The following CDH4 variants were observed in gnomAD, a reference collection of about 807,000 sequenced individuals.
CDH4 encodes cadherin 4, also known as cadherin-4.
CDH4 carries 33 observed loss-of-function variants against 86.0 expected under a neutral mutation model. The observed-to-expected ratio is 0.38, with a 90% confidence interval of 0.29 to 0.51. The LOEUF (loss-of-function observed/expected upper bound fraction) is 0.51. CDH4 is among the 20% of genes least tolerant of loss of function. The pLI is 0.86. For synonymous variants in CDH4, 555 were observed against 549.4 expected, an observed-to-expected ratio of 1.01 and a Z score of -0.14; for missense variants, 1,114 against 1,307.4, an observed-to-expected ratio of 0.85 and a Z score of 2.28.
chr20:61,271,664 C>T (rs2084183986), intron 2 of CDH4, among the ~76,000 whole-genome samples: 1 of 152,198 alleles, frequency 6.6e-6, no homozygotes, highest in South Asian at 2.1e-4. Flanking sequence ...CGTGAAGCCA[C>T]GTGAACTGAA....
intron 7 of CDH4, among the ~76,000 whole-genome samples, chr20:61,875,807 C>T (rs527933353): frequency 6.6e-5 from 10 of 152,144 alleles, no homozygotes; most frequent in Admixed American, 3.9e-4. Context: ...GGCACATGGC[C>T]GAGTCAGGAG....
chr20:61,781,254 G>GAGAC (rs149784570), intron 4 of CDH4, among the ~76,000 whole-genome samples: 1 of 150,602 alleles, frequency 6.6e-6, no homozygotes, highest in Non-Finnish European at 1.5e-5. Context: ...GTCAAAAAGA[G>GAGAC]AGAAAATGTG....
intron 2 of CDH4, among the ~76,000 whole-genome samples, chr20:61,332,880 C>T (rs2084591163): frequency 6.6e-6 from 1 of 152,232 alleles, no homozygotes; most frequent in Non-Finnish European, 1.5e-5. Flanking sequence ...TCACAGTGCT[C>T]ATCACCCTGG....
rs548064380 is a variant in CDH4, at chr20:61,884,722, C to T, written c.1051-10188C>T. Among the ~76,000 whole-genome samples, 11 of 152,230 alleles carry T rather than the reference C, an allele frequency of 7.2e-5. No individual in the cohort carries two copies. The East Asian group carries it at 1.9e-3, about 27-fold the overall frequency. ...CGGCTGCTGCTAGTTCCTGGGTGCC[C>T]GGGAAATTCACCTGGACAGGTGGAA... On this transcript the variant is annotated intron_variant, in intron 7 of 15. Coordinates refer to ENST00000614565, the MANE Select transcript of CDH4 (RefSeq NM_001794.5).
intron 6 of CDH4, among the ~76,000 whole-genome samples, chr20:61,855,742 G>T (rs564441496): frequency 2.0e-5 from 3 of 152,384 alleles, no homozygotes; most frequent in African/African-American, 7.2e-5. Flanking sequence ...AGCCTGGAGA[G>T]CCCGGCTGCC....
intron 2 of CDH4, among the ~76,000 whole-genome samples, chr20:61,598,621 GAGCCCCC>G: frequency 6.6e-6 from 1 of 152,274 alleles, no homozygotes; most frequent in South Asian, 2.1e-4. Flanking sequence ...TGTGCAGAGG[GAGCCCCC>G]ACCTCCCACC....
At chr20:61,765,261 A>G (rs1190696047) in intron 3 of CDH4, among the ~76,000 whole-genome samples, 1 of 152,106 alleles carries the variant, frequency 6.6e-6, no homozygotes, top group African/African-American at 2.4e-5. Flanking sequence ...AGCCTCGTGT[A>G]AGTAAGAGGC....
intron 2 of CDH4, among the ~76,000 whole-genome samples, chr20:61,527,646 A>G (rs150724217): frequency 6.6e-6 from 1 of 152,322 alleles, no homozygotes; most frequent in East Asian, 1.9e-4. Context: ...GTTCTGTTCA[A>G]TGCCCCATGT....
rs988468283 is a variant in CDH4, at chr20:61,392,274, A to T, written c.169+137337A>T. The stretch of plus-strand genomic sequence containing the variant: ...GGGGAGGGACAGGAACCCGAGGCAG[A>T]TCCTTCCACCAAACGAGTGTTTTGC... On this transcript the variant is annotated intron_variant, in intron 2 of 15. Transcript: ENST00000614565. This position sits in a 1 kb window ranked among gnomAD's most constrained non-coding sequence, Gnocchi z 5.7. Among the ~76,000 whole-genome samples the T allele has an allele frequency of 2.0e-5, 3 of 151,926 alleles. No homozygotes were observed. The highest frequency in any genetic ancestry group is 7.3e-5 in the African/African-American group (3 of 41,366).
At chr20:61,841,278 G>A (rs140757222) in intron 4 of CDH4, among the ~76,000 whole-genome samples, 18 of 152,322 alleles carry the variant, frequency 1.2e-4, no homozygotes, top group Non-Finnish European at 1.9e-4. Context: ...CCCGGACGGC[G>A]GGGCTGGTGG....
At chr20:61,573,578 A>G (rs190857528) in intron 2 of CDH4, among the ~76,000 whole-genome samples, 37 of 152,210 alleles carry the variant, frequency 2.4e-4, no homozygotes, top group African/African-American at 8.9e-4. Flanking sequence ...AGTCCTGACC[A>G]GCGTGGGCAC....
At chr20:61,549,212 A>G (rs1261095545) in intron 2 of CDH4, among the ~76,000 whole-genome samples, 1 of 152,212 alleles carries the variant, frequency 6.6e-6, no homozygotes, top group East Asian at 1.9e-4. Flanking sequence ...CCCAAGGTTG[A>G]ACCAATAGCA....
intron 2 of CDH4, among the ~76,000 whole-genome samples, chr20:61,700,646 A>G (rs1268921663): frequency 6.6e-6 from 1 of 151,164 alleles, no homozygotes; most frequent in Non-Finnish European, 1.5e-5. Flanking sequence ...CACCCCATAC[A>G]GCCTCACTGT....
chr20:61,603,251 C>A (rs961497166), intron 2 of CDH4, among the ~76,000 whole-genome samples: 1 of 152,078 alleles, frequency 6.6e-6, no homozygotes, highest in African/African-American at 2.4e-5. Context: ...ATAGGGAAGT[C>A]AAGTCCGTGG....
At chr20:61,331,818 G>A (rs531495829) in intron 2 of CDH4, among the ~76,000 whole-genome samples, 1 of 148,148 alleles carries the variant, frequency 6.8e-6, no homozygotes, top group South Asian at 2.2e-4. Context: ...CTCATCTGCT[G>A]GCTTTCTGTC....
chr20:61,878,674 A>G (rs550663988), intron 7 of CDH4, among the ~76,000 whole-genome samples: 3 of 152,356 alleles, frequency 2.0e-5, no homozygotes, highest in Non-Finnish European at 4.4e-5. Flanking sequence ...TTTATGGCAT[A>G]GTCTCAAAGT....
chr20:61,896,714 C>G (rs1248907918), intron 8 of CDH4, among the ~76,000 whole-genome samples: 1 of 152,242 alleles, frequency 6.6e-6, no homozygotes, highest in East Asian at 1.9e-4. Context: ...TGCTCTCTTC[C>G]GGCCAGTGAG....
At chr20:61,425,031 A>G (rs1469324057) in intron 2 of CDH4, among the ~76,000 whole-genome samples, 3 of 152,218 alleles carry the variant, frequency 2.0e-5, no homozygotes, top group Non-Finnish European at 4.4e-5. Flanking sequence ...CTCGTCCAGG[A>G]AAGGTTGCTG....
At chr20:61,483,671 G>A (rs1463192819) in intron 2 of CDH4, among the ~76,000 whole-genome samples, 7 of 131,738 alleles carry the variant, frequency 5.3e-5, no homozygotes, top group East Asian at 2.4e-4. Context: ...ACCAGCACCC[G>A]CCCCCCCCGC....
Sources: gnomAD v4.1 joint callset for allele counts (sites outside exome capture counted in the v4.1 genomes callset) on GRCh38, gnomAD v4.1.1 for gene constraint, Gnocchi (gnomAD v3.1) non-coding constraint, MANE v1.5 for transcripts, NCBI Gene and HGNC (gene_info 2026-07-23, HGNC 2026-07-21) for gene names.